COL4A3: variants seen among roughly 807,000 people sequenced by gnomAD.
COL4A3 encodes collagen type IV alpha 3 chain, also known as collagen alpha-3(IV) chain.
A neutral mutation model predicts 217.4 loss-of-function variants in COL4A3; 135 were observed. The observed-to-expected ratio is 0.62, with a 90% CI of 0.54 to 0.72. The LOEUF (loss-of-function observed/expected upper bound fraction) is 0.72, where lower values mean the gene tolerates loss of function less well. COL4A3 is among the 30% of genes least tolerant of loss of function. The probability of loss-of-function intolerance (pLI) is 0.00; values close to 1 mark genes in which losing one functional copy is unlikely to be tolerated. For missense variants in COL4A3, 1,868 were observed against 2,119.9 expected, an observed-to-expected ratio of 0.88 and a Z score of 2.33; for synonymous variants, 690 against 736.3, an observed-to-expected ratio of 0.94 and a Z score of 1.02.
In COL4A3 at chr2:227,248,576, CTT is replaced by C. The variant is rs577395398; in HGVS notation, c.546+59_546+60del. On this transcript the variant is annotated intron_variant, in intron 9 of 51. Coordinates refer to ENST00000396578, the MANE Select transcript of COL4A3 (RefSeq NM_000091.5). ...TCTCAGTTTTTCACTCTCTCTCTCT[CTT>C]TTCGCCTCTCTTTACTTCGTCTCTC... 187 of 1,107,206 alleles carry C rather than the reference CTT, an allele frequency of 1.7e-4. No individual in the cohort carries two copies. In the African/African-American group the frequency reaches 2.0e-3, roughly 12 times the overall value. The allele number at this position is 1,107,206 out of a possible 1,614,324, so 68.6% of individuals were successfully genotyped here.
At position 227,165,061 on chromosome 2, in the gene COL4A3, G is replaced by C. The variant is rs149585953; in HGVS notation, c.87+248G>C. 1.1e-3 allele frequency among the ~76,000 whole-genome samples: 160 copies of C among 152,296 alleles called. 1 individual carries two copies. Among genetic ancestry groups the C allele is most frequent in the Middle Eastern group, 0.01 (3 of 294 alleles). ...AGGAGGGGGCTTGTCCAGTGCCTAG[G>C]AGTCAGGGATGGCGGGGACAGGCCT... On this transcript the variant is annotated intron_variant, in intron 1 of 51. Transcript: ENST00000396578.
At position 227,283,669 on chromosome 2, in the gene COL4A3, A is replaced by G. The variant is rs75442509; in HGVS notation, c.2657-98A>G. On this transcript the variant is annotated intron_variant, in intron 32 of 51. Transcript: ENST00000396578. ...ACAGAGGCCATTTTTTCAACTCCCA[A>G]TCTCTGCTTCTAAGTATAATTTATT... 2.1e-3 allele frequency: 2,270 copies of G among 1,061,504 alleles called. 24 individuals are homozygous for G. The African/African-American group carries it at 0.033, about 15-fold the overall frequency. 65.8% of individuals were successfully genotyped at this position (1,061,504 alleles called of 1,614,324 possible). A position where few individuals can be genotyped will look rare whatever the true frequency, so the allele number is the denominator to read the frequency against.
intron 1 of COL4A3, among the ~76,000 whole-genome samples, chr2:227,234,509 C>A (rs1026945353): frequency 6.6e-6 from 1 of 152,164 alleles, no homozygotes; most frequent in African/African-American, 2.4e-5. Context: ...AATTCATAAG[C>A]CTTCAAATTG....
At chr2:227,285,271 C>G (rs1485806004) in intron 34 of COL4A3, among the ~76,000 whole-genome samples, 1 of 44,960 alleles carries the variant, frequency 2.2e-5, no homozygotes, top group African/African-American at 7.9e-5. Context: ...CATGTACTGC[C>G]AAACCTAAAA....
chr2:227,246,936 C>T (rs1574676867), intron 7 of COL4A3, 198 bp downstream of exon 7: 2 of 686,322 alleles, frequency 2.9e-6, no homozygotes, highest in Non-Finnish European at 2.7e-6. Flanking sequence ...CTTTGTTTTA[C>T]TTTTGAGACA....
At chr2:227,257,748 T>C (rs1574711605) in intron 18 of COL4A3, 104 bp downstream of exon 18, 2 of 1,040,678 alleles carry the variant, frequency 1.9e-6, no homozygotes, top group East Asian at 2.4e-5. Context: ...TGAGAGAGAT[T>C]ATAACATTTA....
intron 32 of COL4A3, among the ~76,000 whole-genome samples, chr2:227,283,092 G>C (rs191133595): frequency 3.2e-3 from 493 of 152,022 alleles, no homozygotes; most frequent in African/African-American, 0.011. Flanking sequence ...AGTCAGTTTT[G>C]GTATTCTGTT....
chr2:227,280,256 C>G (rs780511059), intron 29 of COL4A3, among the ~76,000 whole-genome samples, 184 bp from the exon 30 acceptor site: 1 of 152,094 alleles, frequency 6.6e-6, no homozygotes, highest in Non-Finnish European at 1.5e-5. Context: ...AAAGTGGAGG[C>G]TACATATCCT....
In COL4A3 at chr2:227,290,793, AAG is replaced by A. The variant is rs1161799599; in HGVS notation, c.3119_3120del (p.Arg1040ThrfsTer13). Reference protein sequence around the residue: ...GTLGFPGRAGRPGLPGIHGLQ... With the variant: ...GTLGFPGRAGXPGLPGIHGLQ... ...CTTTGGGATTCCCAGGTCGAGCAGG[AAG>A]ACCAGGCCTCCCAGGTATTCATGGT... On this transcript the variant is annotated frameshift_variant, in exon 37 of 52. Transcript: ENST00000396578. LOFTEE classifies it high-confidence loss of function. 6.2e-7 allele frequency: 1 copy of A among 1,613,762 alleles called. No homozygotes were observed. Among genetic ancestry groups the A allele is most frequent in the Admixed American group, 1.7e-5 (1 of 60,014 alleles).
chr2:227,223,474 C>T (rs936741066), intron 1 of COL4A3, among the ~76,000 whole-genome samples: 4 of 152,154 alleles, frequency 2.6e-5, no homozygotes, highest in Non-Finnish European at 4.4e-5. Flanking sequence ...TGGCTCATGC[C>T]TATAATCCCA....
intron 47 of COL4A3, 124 bp from the exon 48 acceptor site, chr2:227,307,586 C>G (rs1574839507): frequency 1.2e-6 from 1 of 816,422 alleles, no homozygotes; most frequent in East Asian, 2.7e-5. Flanking sequence ...ATAAGCCACT[C>G]TTCTCTAGGA....
Position 227,284,251 on chromosome 2 carries a change from C to A in COL4A3, c.2787C>A (p.Thr929=). ...GIPGVKGQRG[T]PGAKGEQGDK... ...CAGGAGTAAAGGGCCAGAGAGGAAC[C>A]CCAGGAGCCAAGGGGGAACAAGGAG... is the stretch of plus-strand genomic sequence containing the variant. The change falls in exon 34 of 52, where the codon ACC becomes ACA. Residue 929 remains threonine (T), a synonymous_variant. Coordinates refer to ENST00000396578, the MANE Select transcript of COL4A3 (RefSeq NM_000091.5). The A allele has an allele frequency of 6.2e-7, 1 of 1,613,988 alleles. No homozygotes were observed. The highest frequency in any genetic ancestry group is 1.1e-5 in the South Asian group (1 of 91,074).
chr2:227,222,160 A>AATG (rs2067833119), intron 1 of COL4A3, among the ~76,000 whole-genome samples: 1 of 85,042 alleles, frequency 1.2e-5, no homozygotes, highest in African/African-American at 3.9e-5. Context: ...TAATAATAAT[A>AATG]ATAATGATAA....
rs1285110083 is a variant in COL4A3, at chr2:227,246,685, G to A, written c.388G>A (p.Gly130Ser). 1 of 1,610,884 alleles carries A rather than the reference G, an allele frequency of 6.2e-7. No individual in the cohort carries two copies. The highest frequency in any genetic ancestry group is 8.5e-7 in the Non-Finnish European group (1 of 1,177,316). ...ATAAGAAACTTTGTATGTCTTTTAG[G>A]GTGAGCAGGGGTTTCCAGGACTCCC... is the stretch of plus-strand genomic sequence containing the variant. ...VGVPGCSGSK[G>S]EQGFPGLPGT... Residue 130 changes from glycine to serine, a missense_variant and splice_region_variant, in exon 7 of 52, where the codon GGT (glycine) becomes AGT (serine). Around this residue, in one of 2 missense-constraint regions of COL4A3, gnomAD observed 365 missense variants for 333.8 expected, o/e 1.09. Transcript: ENST00000396578.
intron 1 of COL4A3, among the ~76,000 whole-genome samples, chr2:227,180,395 C>T (rs769116485): frequency 1.3e-5 from 2 of 152,188 alleles, no homozygotes; most frequent in Admixed American, 6.5e-5. Flanking sequence ...ACTGTGCCCA[C>T]GAAACCGTTC....
rs1288823583 is a variant in COL4A3, at chr2:227,297,695, C to T, written c.3587C>T (p.Ala1196Val). 1.2e-6 allele frequency: 2 copies of T among 1,608,712 alleles called. No individual in the cohort carries two copies. The highest frequency in any genetic ancestry group is 1.7e-6 in the Non-Finnish European group (2 of 1,178,220). ...GAQGAKGDRGAPGFPGLPGRK... is the reference protein window; with the variant it reads ...GAQGAKGDRGVPGFPGLPGRK... ...GCAGGAGCCAAAGGAGACAGGGGAG[C>T]CCCAGGTTTTCCTGGCCTCCCGGGC... Residue 1196 changes from alanine to valine, a missense_variant, in exon 42 of 52, where the codon GCC (alanine) becomes GTC (valine). Physicochemically the swap from Ala to Val is moderately conservative, Grantham distance 64. Transcript: ENST00000396578.
At chr2:227,251,002 A>G in intron 9 of COL4A3, 138 bp from the exon 10 acceptor site, 1 of 724,310 alleles carries the variant, frequency 1.4e-6, no homozygotes. Flanking sequence ...GTTTGTTATC[A>G]TTAGCTGCAG....
intron 23 of COL4A3, among the ~76,000 whole-genome samples, chr2:227,269,042 A>G (rs1273771349): frequency 6.6e-6 from 1 of 152,216 alleles, no homozygotes; most frequent in African/African-American, 2.4e-5. Flanking sequence ...CCCCAGCTCA[A>G]GATCTTGCAA....
rs1237284696 is a variant in COL4A3 at position 227,314,284 on chromosome 2, G to A, written c.*2414G>A. 1.3e-5 allele frequency: 2 copies of A among 152,612 alleles called. No homozygotes were observed. Among genetic ancestry groups the A allele is most frequent in the Non-Finnish European group, 2.9e-5 (2 of 68,048 alleles). The allele number at this position is 152,612 out of a possible 1,614,324, so 9.5% of individuals were successfully genotyped here. Reference sequence around the variant, plus strand: ...TGCTAAAACCTGAAATTCCAATGAAGCCATATGAACAGCTGTTCAGTTGCA... The same window carrying A: ...TGCTAAAACCTGAAATTCCAATGAAACCATATGAACAGCTGTTCAGTTGCA... On this transcript the variant is annotated 3_prime_UTR_variant, in exon 52 of 52. Coordinates refer to ENST00000396578, the MANE Select transcript of COL4A3 (RefSeq NM_000091.5).
Sources: allele counts gnomAD v4.1 joint callset (sites outside exome capture counted in the v4.1 genomes callset), GRCh38; gene constraint gnomAD v4.1.1; regional missense constraint gnomAD v4.1.1; transcripts MANE v1.5; gene names NCBI Gene and HGNC (gene_info 2026-07-23, HGNC 2026-07-21).